The following CMTM4 variants were observed in gnomAD, a reference collection of about 807,000 sequenced individuals.
The protein encoded by CMTM4 is CKLF like MARVEL transmembrane domain containing 4.
Under a neutral mutation model 19.0 loss-of-function variants are expected in CMTM4, and 8 were observed. The ratio of observed to expected loss-of-function variants is 0.42; its 90% CI spans 0.25 to 0.76. The LOEUF (loss-of-function observed/expected upper bound fraction) is 0.76. CMTM4 is among the 30% of genes least tolerant of loss of function. The pLI is 0.27. For missense variants in CMTM4, 228 were observed against 290.2 expected (o/e 0.79, Z 1.56); for synonymous variants, 106 against 121.1 (o/e 0.88, Z 0.82).
At chr16:66,694,496 T>G (rs1057092570) in intron 1 of CMTM4, among the ~76,000 whole-genome samples, 1 of 151,588 alleles carries the variant, frequency 6.6e-6, no homozygotes, top group Non-Finnish European at 1.5e-5. Flanking sequence ...GATCATAAGG[T>G]AAGGAGTTCG....
the CMTM4 span, among the ~76,000 whole-genome samples, chr16:66,608,988 G>A: frequency 6.6e-6 from 1 of 152,102 alleles, no homozygotes; most frequent in Non-Finnish European, 1.5e-5. This position sits in a 1 kb window ranked among gnomAD's most constrained non-coding sequence, Gnocchi z 5.1. Flanking sequence ...GCTGCCTCAG[G>A]AGGGCTGCAC....
intron 2 of CMTM4, among the ~76,000 whole-genome samples, chr16:66,629,403 G>A (rs908093223): frequency 2.6e-5 from 4 of 152,102 alleles, no homozygotes; most frequent in Admixed American, 2.0e-4. Flanking sequence ...CAATCATATC[G>A]CTCCCAGTGA....
At chr16:66,605,735 G>A in the CMTM4 span, among the ~76,000 whole-genome samples, 1 of 152,338 alleles carries the variant, frequency 6.6e-6, no homozygotes, top group African/African-American at 2.4e-5. This position sits in a 1 kb window ranked among gnomAD's most constrained non-coding sequence, Gnocchi z 4.6. Flanking sequence ...GCGCTCAGGC[G>A]CCTGATTTGA....
rs561590754 is a variant in CMTM4 at position 66,637,576 on chromosome 16, C to T, written c.187-995G>A. ...AAAGAATAAATTTTTTTCTGAAGGA[C>T]CAAAGTACCATTCTGGCAATATGTC... On this transcript the variant is annotated intron_variant, in intron 1 of 3. Coordinates refer to ENST00000394106, the MANE Select transcript of CMTM4 (RefSeq NM_181521.3). Among the ~76,000 whole-genome samples the T allele has an allele frequency of 2.6e-5, 4 of 152,192 alleles. No individual in the cohort carries two copies. In the East Asian group the frequency reaches 5.8e-4, roughly 22 times the overall value.
At chr16:66,653,919 T>G (rs973556558) in intron 1 of CMTM4, among the ~76,000 whole-genome samples, 3 of 152,106 alleles carry the variant, frequency 2.0e-5, no homozygotes, top group African/African-American at 7.2e-5. Flanking sequence ...GTGTTTTTTT[T>G]TAGTAGAGAC....
intron 1 of CMTM4, among the ~76,000 whole-genome samples, chr16:66,687,255 A>G (rs1246472981): frequency 6.6e-6 from 1 of 152,062 alleles, no homozygotes; most frequent in Non-Finnish European, 1.5e-5. Context: ...AATTACAAAG[A>G]AAGTCATGAA....
At chr16:66,630,154 T>C (rs2015820701) in intron 2 of CMTM4, among the ~76,000 whole-genome samples, 2 of 152,148 alleles carry the variant, frequency 1.3e-5, no homozygotes, top group Non-Finnish European at 2.9e-5. Context: ...CTGTGGGATC[T>C]GTGCTAACTC....
chr16:66,641,671 T>C (rs764831620), intron 1 of CMTM4, among the ~76,000 whole-genome samples: 1 of 152,202 alleles, frequency 6.6e-6, no homozygotes, highest in African/African-American at 2.4e-5. Flanking sequence ...CTATGTTATT[T>C]CCCTATTAGC....
In CMTM4 at chr16:66,617,800, T is replaced by C. The variant is rs2015553607; in HGVS notation, c.*4258A>G. 1.0e-6 allele frequency: 1 copy of C among 997,666 alleles called. No individual in the cohort carries two copies. Among genetic ancestry groups the C allele is most frequent in the African/African-American group, 1.7e-5 (1 of 57,318 alleles). 61.8% of individuals were successfully genotyped at this position (997,666 alleles called of 1,614,324 possible). A position where few individuals can be genotyped will look rare whatever the true frequency, so the allele number is the denominator to read the frequency against. ...TTCAGAGTCACCTGCTGGACCCACA[T>C]GTTCCTGAGCCAGATGCCAGGAGCT... is the stretch of plus-strand genomic sequence containing the variant. On this transcript the variant is annotated 3_prime_UTR_variant, in exon 4 of 4. Transcript: ENST00000394106.
At chr16:66,674,334 G>A (rs1189324755) in intron 1 of CMTM4, among the ~76,000 whole-genome samples, 1 of 152,172 alleles carries the variant, frequency 6.6e-6, no homozygotes, top group Non-Finnish European at 1.5e-5. Context: ...GAAACCCAAA[G>A]GAACCCAGGT....
At chr16:66,694,193 G>A (rs985496445) in intron 1 of CMTM4, among the ~76,000 whole-genome samples, 1 of 152,054 alleles carries the variant, frequency 6.6e-6, no homozygotes, top group Non-Finnish European at 1.5e-5. Context: ...CTGGACTTAG[G>A]TGATAAACTC....
chr16:66,625,807 A>G (rs1033407688), intron 2 of CMTM4, among the ~76,000 whole-genome samples: 7 of 152,240 alleles, frequency 4.6e-5, no homozygotes, highest in Non-Finnish European at 8.8e-5. Flanking sequence ...TGTGCTGTCC[A>G]ATAGGGCAAA....
chr16:66,606,333 G>C, the CMTM4 span, among the ~76,000 whole-genome samples: 6 of 152,152 alleles, frequency 3.9e-5, no homozygotes, highest in Non-Finnish European at 7.4e-5. Flanking sequence ...TTAGGCTTTG[G>C]GGTGCAGGCA....
intron 1 of CMTM4, among the ~76,000 whole-genome samples, chr16:66,694,579 G>C (rs965571589): frequency 1.3e-5 from 2 of 151,948 alleles, no homozygotes; most frequent in Non-Finnish European, 2.9e-5. Flanking sequence ...TGGGCGTGGT[G>C]GTGGGCGCCT....
chr16:66,659,620 A>AG (rs1268594653), intron 1 of CMTM4, among the ~76,000 whole-genome samples: 5 of 152,344 alleles, frequency 3.3e-5, no homozygotes, highest in African/African-American at 1.2e-4. Context: ...AACATAGGAT[A>AG]GTCAATGACA....
intron 1 of CMTM4, among the ~76,000 whole-genome samples, chr16:66,655,518 CGT>C (rs72390418): frequency 0.6 from 88,169 of 147,812 alleles, 27,465 homozygotes; most frequent in African/African-American, 0.81. Context: ...AGGACAGAAA[CGT>C]GTGTGTGTGT....
intron 2 of CMTM4, among the ~76,000 whole-genome samples, chr16:66,628,811 T>C (rs1017187935): frequency 6.6e-6 from 1 of 152,244 alleles, no homozygotes; most frequent in Non-Finnish European, 1.5e-5. Context: ...TTTTTATTAC[T>C]GAATAATATT....
chr16:66,604,572 C>T, the CMTM4 span: 1 of 329,494 alleles, frequency 3.0e-6, no homozygotes, highest in Non-Finnish European at 5.4e-6. Flanking sequence ...TCTGCGGAGG[C>T]CCCAGGCCGG....
At position 66,618,023 on chromosome 16, in the gene CMTM4, C is replaced by A. The variant is rs1243564654; in HGVS notation, c.*4035G>T. 5.1e-6 allele frequency: 5 copies of A among 985,620 alleles called. No homozygotes were observed. The Middle Eastern group carries it at 1.6e-3, about 309-fold the overall frequency. 61.1% of individuals were successfully genotyped at this position (985,620 alleles called of 1,614,324 possible). A position where few individuals can be genotyped will look rare whatever the true frequency, so the allele number is the denominator to read the frequency against. On this transcript the variant is annotated 3_prime_UTR_variant, in exon 4 of 4. Transcript: ENST00000394106. ...AGGCCACTGCTTCCTCCCTTATCTC[C>A]CAGACCTGGCCGTGTGTGGACCTCA...
Sources: allele counts gnomAD v4.1 joint callset (sites outside exome capture counted in the v4.1 genomes callset), GRCh38; gene constraint gnomAD v4.1.1; non-coding constraint Gnocchi (gnomAD v3.1); transcripts MANE v1.5; gene names NCBI Gene and HGNC (gene_info 2026-07-23, HGNC 2026-07-21).